Variants in NTRK2 observed in about 807,000 individuals in gnomAD.
NTRK2 encodes the protein neurotrophic receptor tyrosine kinase 2.
A neutral mutation model predicts 94.5 loss-of-function variants in NTRK2; 13 were observed. The observed-to-expected ratio is 0.14, with a 90% confidence interval of 0.09 to 0.22. The LOEUF is 0.22. NTRK2 is among the 10% of genes least tolerant of loss of function. The pLI, the probability that NTRK2 is intolerant of heterozygous loss-of-function variation, is 1.00. For missense variants in NTRK2, 639 were observed against 1,071.2 expected, an observed-to-expected ratio of 0.60 and a Z score of 5.63; for synonymous variants, 372 against 407.4, an observed-to-expected ratio of 0.91 and a Z score of 1.05.
chr9:84,874,635 A>G (rs1292233089), intron 14 of NTRK2: 3 of 1,061,750 alleles, frequency 2.8e-6, no homozygotes, highest in Non-Finnish European at 3.4e-6. Flanking sequence ...AAATGGGGAG[A>G]GAGCTACTTC....
chr9:85,004,124 A>AAGGAAGGGAGGAAGGGAGGAAGGGAGTG (rs1250604072), intron 17 of NTRK2, among the ~76,000 whole-genome samples: 234 of 149,932 alleles, frequency 1.6e-3, no homozygotes, highest in Middle Eastern at 0.014. Flanking sequence ...GGGAGTGAGG[A>AAGGAAGGGAGGAAGGGAGGAAGGGAGTG]AGGAAGGAAG....
chr9:84,685,944 T>C (rs1262700195), intron 2 of NTRK2, among the ~76,000 whole-genome samples: 1 of 152,210 alleles, frequency 6.6e-6, no homozygotes, highest in Non-Finnish European at 1.5e-5. Context: ...TGTTTACTGC[T>C]CTTTCCTAGC....
Position 84,742,789 on chromosome 9 carries a change from G to GCTTTT in NTRK2, c.1195+862_1195+863insCTTTT, listed in dbSNP as rs1221783716. 1.5e-3 allele frequency among the ~76,000 whole-genome samples: 160 copies of GCTTTT among 103,680 alleles called. 3 individuals are homozygous for GCTTTT. Among genetic ancestry groups the GCTTTT allele is most frequent in the African/African-American group, 5.5e-3 (138 of 24,868 alleles). The allele number at this position is 103,680 out of a possible 152,430, so 68.0% of individuals were successfully genotyped here. A position where few individuals can be genotyped will look rare whatever the true frequency, so the allele number is the denominator to read the frequency against. On this transcript the variant is annotated intron_variant, in intron 10 of 18. Coordinates refer to ENST00000277120, the MANE Select transcript of NTRK2 (RefSeq NM_006180.6). Reference sequence around the variant, plus strand: ...AAAGAAACCAAAGTCCATTATATTAGTTTTTTTTTTTTTTTTTTTTTTTTT... The same window carrying GCTTTT: ...AAAGAAACCAAAGTCCATTATATTAGCTTTTTTTTTTTTTTTTTTTTTTTTTTTTT...
At chr9:84,672,156 T>C (rs1438685380) in intron 2 of NTRK2, among the ~76,000 whole-genome samples, 3 of 152,148 alleles carry the variant, frequency 2.0e-5, no homozygotes. Context: ...TTGACCAAGA[T>C]AACCTGTTTT....
chr9:84,896,721 T>C (rs932449860), intron 14 of NTRK2, among the ~76,000 whole-genome samples: 1 of 152,208 alleles, frequency 6.6e-6, no homozygotes, highest in Non-Finnish European at 1.5e-5. Flanking sequence ...CCATATGCTT[T>C]AGGAGGGATT....
intron 17 of NTRK2, among the ~76,000 whole-genome samples, chr9:84,984,926 C>A (rs981668500): frequency 6.6e-6 from 1 of 152,164 alleles, no homozygotes; most frequent in African/African-American, 2.4e-5. Flanking sequence ...AAACTTTAAG[C>A]AGTATTAACA....
chr9:84,757,642 G>A (rs995513566), intron 12 of NTRK2, among the ~76,000 whole-genome samples: 2 of 152,212 alleles, frequency 1.3e-5, no homozygotes, highest in African/African-American at 2.4e-5. Context: ...CCATAGGGTT[G>A]TTATGAAGAC....
intron 14 of NTRK2, among the ~76,000 whole-genome samples, chr9:84,929,381 A>G (rs1322177608): frequency 6.6e-6 from 1 of 152,282 alleles, no homozygotes. Flanking sequence ...TTGCCCAGAC[A>G]GGGTGCAGAT....
chr9:84,708,962 T>C (rs545747410), intron 5 of NTRK2, among the ~76,000 whole-genome samples: 3 of 152,224 alleles, frequency 2.0e-5, no homozygotes, highest in African/African-American at 4.8e-5. Context: ...TTGGGCAACA[T>C]TGTGTAAAAT....
chr9:84,684,910 A>T (rs2059615187), intron 2 of NTRK2, among the ~76,000 whole-genome samples: 1 of 152,058 alleles, frequency 6.6e-6, no homozygotes, highest in Non-Finnish European at 1.5e-5. Context: ...GTTAAGGATT[A>T]TGATATTTCT....
intron 2 of NTRK2, among the ~76,000 whole-genome samples, chr9:84,701,929 C>T (rs974509253): frequency 3.9e-5 from 6 of 152,144 alleles, no homozygotes; most frequent in East Asian, 1.9e-4. Context: ...TGATGAAACA[C>T]GAGGAGAAAT....
chr9:84,719,816 T>C (rs2061944410), intron 6 of NTRK2, among the ~76,000 whole-genome samples: 1 of 151,938 alleles, frequency 6.6e-6, no homozygotes, highest in African/African-American at 2.4e-5. Flanking sequence ...CTCAGGAGTT[T>C]GAGACCAGCC....
At position 84,765,223 on chromosome 9, in the gene NTRK2, C is replaced by A. The variant is rs1004245378; in HGVS notation, c.1396+13138C>A. 2.0e-4 allele frequency among the ~76,000 whole-genome samples: 31 copies of A among 152,152 alleles called. 2 individuals carry two copies. Among genetic ancestry groups the A allele is most frequent in the Admixed American group, 2.0e-3 (31 of 15,276 alleles). On this transcript the variant is annotated intron_variant, in intron 12 of 18. Coordinates refer to ENST00000277120, the MANE Select transcript of NTRK2 (RefSeq NM_006180.6). ...GAGTTTAATTGGATTGTTTGCAACT[C>A]AACGGATAAATGCTTGAGGGGATAA... is the stretch of plus-strand genomic sequence containing the variant.
intron 12 of NTRK2, among the ~76,000 whole-genome samples, chr9:84,830,294 C>G (rs1323195922): frequency 6.6e-6 from 1 of 152,188 alleles, no homozygotes; most frequent in African/African-American, 2.4e-5. Context: ...TTCCTGTACA[C>G]AGAATGTTGT....
At chr9:84,827,418 C>T (rs1323797282) in intron 12 of NTRK2, among the ~76,000 whole-genome samples, 1 of 152,212 alleles carries the variant, frequency 6.6e-6, no homozygotes, top group Non-Finnish European at 1.5e-5. Flanking sequence ...AGCTTATGTT[C>T]TCTGAGCGCA....
chr9:84,791,089 C>T (rs957232706), intron 12 of NTRK2, among the ~76,000 whole-genome samples: 4 of 152,112 alleles, frequency 2.6e-5, no homozygotes, highest in African/African-American at 7.2e-5. Flanking sequence ...AGCTTTTTAA[C>T]GCTGATACTG....
At chr9:84,871,794 A>G (rs781516052) in intron 14 of NTRK2, 1 of 1,613,744 alleles carries the variant, frequency 6.2e-7, no homozygotes, top group Non-Finnish European at 8.5e-7. Flanking sequence ...TGCAGGGCCC[A>G]GAGGTTCCCC....
intron 5 of NTRK2, among the ~76,000 whole-genome samples, chr9:84,710,360 T>C (rs1250348229): frequency 6.6e-6 from 1 of 152,208 alleles, no homozygotes; most frequent in Non-Finnish European, 1.5e-5. Context: ...TGAGATGTTC[T>C]TTTCTATCCT....
In NTRK2 at chr9:84,812,770, T is replaced by TA. The variant is rs76023769; in HGVS notation, c.1397-48261dup. 4,286 of 1,035,784 alleles carry TA rather than the reference T, an allele frequency of 4.1e-3. 9 individuals are homozygous for TA. The highest frequency in any genetic ancestry group is 4.7e-3 in the Non-Finnish European group (4,015 of 860,830). 64.2% of individuals were successfully genotyped at this position (1,035,784 alleles called of 1,614,324 possible). On this transcript the variant is annotated intron_variant, in intron 12 of 18. Transcript: ENST00000277120. ...GTGTTCCAGACCCAAAAAGGAAAAATAAAAAAAAAGGAATATTTGTACCCA... is the reference window on the plus strand; with the variant it reads ...GTGTTCCAGACCCAAAAAGGAAAAATAAAAAAAAAAGGAATATTTGTACCCA...
Sources: gnomAD v4.1 joint callset for allele counts (sites outside exome capture counted in the v4.1 genomes callset) on GRCh38, gnomAD v4.1.1 for gene constraint, MANE v1.5 for transcripts, NCBI Gene and HGNC (gene_info 2026-07-23, HGNC 2026-07-21) for gene names.